Variants in FER1L6 observed in about 807,000 individuals in gnomAD.
The protein encoded by FER1L6 is fer-1-like protein 6.
In FER1L6, 177 loss-of-function variants were observed where a neutral mutation model predicts 219.2. The observed-to-expected ratio is 0.81, with a 90% CI of 0.71 to 0.91. FER1L6 has a LOEUF of 0.91. Ranked by LOEUF, FER1L6 falls within the 40% of genes least tolerant of loss-of-function variation. FER1L6 has a pLI of 0.00. For synonymous variants in FER1L6, 768 were observed against 824.3 expected, an observed-to-expected ratio of 0.93 and a Z score of 1.17; for missense variants, 2,153 against 2,259.9, an observed-to-expected ratio of 0.95 and a Z score of 0.96.
At chr8:124,061,659 G>A (rs1586654517) in intron 24 of FER1L6, among the ~76,000 whole-genome samples, 193 bp from the exon 25 acceptor site, 2 of 152,296 alleles carry the variant, frequency 1.3e-5, no homozygotes, top group South Asian at 4.1e-4. Context: ...TGTTACTAAG[G>A]CAGACTTCCT....
At chr8:123,949,679 C>T (rs1814670440) in intron 1 of FER1L6, among the ~76,000 whole-genome samples, 1 of 152,164 alleles carries the variant, frequency 6.6e-6, no homozygotes. Flanking sequence ...AGAAGCTCTG[C>T]TCAGTGGTTA....
intron 1 of FER1L6, among the ~76,000 whole-genome samples, chr8:123,920,769 G>A (rs181723146): frequency 6.6e-6 from 1 of 152,250 alleles, no homozygotes; most frequent in Admixed American, 6.5e-5. Flanking sequence ...TTACACTGTT[G>A]TACAATAGAC....
At chr8:123,966,405 C>A in intron 5 of FER1L6, 115 bp downstream of exon 5, 1 of 1,321,414 alleles carries the variant, frequency 7.6e-7, no homozygotes, top group Non-Finnish European at 1.0e-6. Flanking sequence ...CCCTGGCCCC[C>A]AGTTAAGCCC....
intron 1 of FER1L6, among the ~76,000 whole-genome samples, chr8:123,859,984 A>AT (rs1309560397): frequency 5.8e-5 from 5 of 86,312 alleles, no homozygotes; most frequent in African/African-American, 1.4e-4. Flanking sequence ...TATTATTATT[A>AT]TTTTTTTAAT....
chr8:124,050,548 C>G (rs531913764), intron 22 of FER1L6, among the ~76,000 whole-genome samples: 1 of 152,022 alleles, frequency 6.6e-6, no homozygotes, highest in African/African-American at 2.4e-5. Context: ...CACCAGGAGG[C>G]GCCTGGTGGT....
intron 22 of FER1L6, among the ~76,000 whole-genome samples, chr8:124,055,702 G>A (rs796216417): frequency 3.3e-5 from 5 of 152,074 alleles, no homozygotes; most frequent in African/African-American, 1.2e-4. Flanking sequence ...TCCTGTGTTG[G>A]TTTCCTATTG....
chr8:123,932,719 T>G (rs1336621804), intron 1 of FER1L6, among the ~76,000 whole-genome samples: 1 of 152,214 alleles, frequency 6.6e-6, no homozygotes, highest in Non-Finnish European at 1.5e-5. Flanking sequence ...TTCTCTGGGC[T>G]TCTTTTCCTT....
intron 37 of FER1L6, 94 bp from the exon 38 acceptor site, chr8:124,101,003 G>A (rs1724283785): frequency 2.5e-6 from 3 of 1,178,892 alleles, no homozygotes; most frequent in Non-Finnish European, 3.7e-6. Flanking sequence ...ACTATGCTCT[G>A]TGACCACATT....
chr8:123,918,877 G>A (rs1813272425), intron 1 of FER1L6, among the ~76,000 whole-genome samples: 1 of 152,172 alleles, frequency 6.6e-6, no homozygotes, highest in African/African-American at 2.4e-5. Flanking sequence ...AACATTTAGA[G>A]AGTGCCCCTC....
At chr8:124,113,728 G>C (rs1381013893) in intron 39 of FER1L6, among the ~76,000 whole-genome samples, 4 of 152,126 alleles carry the variant, frequency 2.6e-5, no homozygotes, top group Non-Finnish European at 4.4e-5. Flanking sequence ...TTATCTGGTT[G>C]TTTTCTCATC....
intron 1 of FER1L6, among the ~76,000 whole-genome samples, chr8:123,901,828 C>T (rs1812863358): frequency 6.6e-6 from 1 of 151,958 alleles, no homozygotes; most frequent in Non-Finnish European, 1.5e-5. Flanking sequence ...ACACCATTCT[C>T]CTGCCTCAGC....
chr8:123,915,816 T>G (rs1813172711), intron 1 of FER1L6, among the ~76,000 whole-genome samples: 4 of 151,920 alleles, frequency 2.6e-5, no homozygotes, highest in Admixed American at 2.6e-4. Flanking sequence ...AAGAGAAGAA[T>G]GAAGAGGAAA....
intron 39 of FER1L6, among the ~76,000 whole-genome samples, chr8:124,105,698 T>C (rs754302475): frequency 7.9e-5 from 12 of 152,108 alleles, no homozygotes; most frequent in Non-Finnish European, 1.5e-4. Flanking sequence ...AAAAGCAGCA[T>C]TGTGAATGTC....
intron 13 of FER1L6, chr8:124,004,115 C>CAAAAAAAAAAAAAAAAAAAAAAAAAAA (rs80310802): frequency 1.3e-5 from 1 of 78,490 alleles, no homozygotes. Flanking sequence ...CTGAAAGACT[C>CAAAAAAAAAAAAAAAAAAAAAAAAAAA]AAAAAAAAAA....
intron 10 of FER1L6, 128 bp downstream of exon 10, chr8:123,977,737 G>A: frequency 1.2e-6 from 1 of 807,130 alleles, no homozygotes. Flanking sequence ...TTTTATGGAA[G>A]ACTATTTTTC....
At chr8:124,015,013 A>G (rs1490585367) in intron 15 of FER1L6, among the ~76,000 whole-genome samples, 1 of 152,084 alleles carries the variant, frequency 6.6e-6, no homozygotes, top group Non-Finnish European at 1.5e-5. Flanking sequence ...GAGGACTTCA[A>G]TTTCTCACTA....
At chr8:123,922,976 C>T (rs567472025) in intron 1 of FER1L6, among the ~76,000 whole-genome samples, 2,547 of 152,190 alleles carry the variant, frequency 0.017, 62 homozygotes, top group African/African-American at 0.058. Flanking sequence ...TATACAGCCC[C>T]CCCCCAGACC....
intron 6 of FER1L6, among the ~76,000 whole-genome samples, chr8:123,971,602 T>C (rs1815819593): frequency 6.6e-6 from 1 of 152,230 alleles, no homozygotes; most frequent in Non-Finnish European, 1.5e-5. Context: ...GAGAAGACTT[T>C]AGTGTCCCTA....
intron 1 of FER1L6, among the ~76,000 whole-genome samples, chr8:123,920,543 G>A (rs1022576784): frequency 6.6e-6 from 1 of 152,234 alleles, no homozygotes; most frequent in African/African-American, 2.4e-5. Context: ...GCTCGGCCAG[G>A]AGGGCCCACG....
Sources: allele counts gnomAD v4.1 joint callset (sites outside exome capture counted in the v4.1 genomes callset), GRCh38; gene constraint gnomAD v4.1.1; transcripts MANE v1.5; gene names NCBI Gene and HGNC (gene_info 2026-07-23, HGNC 2026-07-21).